The following CSMD1 variants were observed in gnomAD, a reference collection of about 807,000 sequenced individuals.
CSMD1 encodes CUB and Sushi multiple domains 1.
In CSMD1, 213 loss-of-function variants were observed where a neutral mutation model predicts 417.5. The ratio of observed to expected loss-of-function variants is 0.51; its 90% CI spans 0.46 to 0.57. The LOEUF (loss-of-function observed/expected upper bound fraction) is 0.57, where lower values mean the gene tolerates loss of function less well. Ranked by LOEUF, CSMD1 falls within the 20% of genes least tolerant of loss-of-function variation. CSMD1 has a pLI of 0.00. For missense variants in CSMD1, 6,923 were observed against 4,529.7 expected, an observed-to-expected ratio of 1.53 and a Z score of -15.17; for synonymous variants, 2,862 against 1,736.8, an observed-to-expected ratio of 1.65 and a Z score of -16.11.
At chr8:3,859,821 C>T (rs188325254) in intron 5 of CSMD1, among the ~76,000 whole-genome samples, 1 of 152,154 alleles carries the variant, frequency 6.6e-6, no homozygotes, top group Admixed American at 6.5e-5. Context: ...AGGGAACAGG[C>T]AGGAGAAGCT....
chr8:4,041,973 A>G (rs1394556545), intron 3 of CSMD1, among the ~76,000 whole-genome samples: 1 of 152,190 alleles, frequency 6.6e-6, no homozygotes. Flanking sequence ...ATAAAAGAAA[A>G]AAGAAAGATT....
At chr8:3,470,584 C>A (rs1817029453) in intron 11 of CSMD1, among the ~76,000 whole-genome samples, 1 of 152,100 alleles carries the variant, frequency 6.6e-6, no homozygotes, top group Non-Finnish European at 1.5e-5. Context: ...CATGTCTCGG[C>A]TCCTGAATCC....
At chr8:4,357,141 G>T (rs557945077) in intron 3 of CSMD1, among the ~76,000 whole-genome samples, 303 of 152,246 alleles carry the variant, frequency 2.0e-3, no homozygotes, top group Non-Finnish European at 3.3e-3. Context: ...ATTCACTTTG[G>T]TATATGATCT....
At chr8:4,925,323 T>C (rs1240694255) in intron 1 of CSMD1, among the ~76,000 whole-genome samples, 3 of 146,612 alleles carry the variant, frequency 2.0e-5, no homozygotes, top group African/African-American at 5.0e-5. Flanking sequence ...TAGGTGGTCT[T>C]TGACGGGGTC....
At chr8:4,777,398 C>G (rs1242231126) in intron 1 of CSMD1, among the ~76,000 whole-genome samples, 1 of 152,088 alleles carries the variant, frequency 6.6e-6, no homozygotes, top group Admixed American at 6.6e-5. Context: ...AGAGAGATGT[C>G]TCAGGGGGAC....
intron 1 of CSMD1, among the ~76,000 whole-genome samples, chr8:4,893,332 T>C (rs965187929): frequency 2.0e-5 from 3 of 152,110 alleles, no homozygotes; most frequent in African/African-American, 7.2e-5. Flanking sequence ...TATTTTATGT[T>C]GTTTAGTATT....
intron 3 of CSMD1, among the ~76,000 whole-genome samples, chr8:4,036,616 G>A (rs997915966): frequency 6.6e-6 from 1 of 152,202 alleles, no homozygotes. Flanking sequence ...GCAGATGTTA[G>A]AAGCAGCGGA....
At chr8:3,094,063 C>G (rs1351348082) in intron 47 of CSMD1, among the ~76,000 whole-genome samples, 1 of 151,442 alleles carries the variant, frequency 6.6e-6, no homozygotes, top group Non-Finnish European at 1.5e-5. Context: ...AATGACAGAA[C>G]TCAAGAGTAG....
chr8:4,855,748 G>T (rs1272939709), intron 1 of CSMD1, among the ~76,000 whole-genome samples: 1 of 151,976 alleles, frequency 6.6e-6, no homozygotes, highest in Non-Finnish European at 1.5e-5. Context: ...AAGCCTCCAA[G>T]AAATAAGGGA....
At chr8:3,461,764 G>C (rs1816520250) in intron 12 of CSMD1, among the ~76,000 whole-genome samples, 1 of 152,222 alleles carries the variant, frequency 6.6e-6, no homozygotes. Context: ...ATACAGATGA[G>C]TGGGACGATT....
Position 4,250,949 on chromosome 8 carries a change from G to A in CSMD1, c.415+169004C>T, listed in dbSNP as rs572453447. 5.7e-4 allele frequency among the ~76,000 whole-genome samples: 87 copies of A among 152,162 alleles called. 1 individual carries two copies. Among genetic ancestry groups the A allele is most frequent in the African/African-American group, 2.0e-3 (82 of 41,512 alleles). On this transcript the variant is annotated intron_variant, in intron 3 of 69. Coordinates refer to ENST00000635120, the MANE Select transcript of CSMD1 (RefSeq NM_033225.6). ...CTGAGCTCTTTTCTTCAGATGACACGTTTCCCTGAATGTTACTAGGTGAAT... is the reference window on the plus strand; with the variant it reads ...CTGAGCTCTTTTCTTCAGATGACACATTTCCCTGAATGTTACTAGGTGAAT...
intron 41 of CSMD1, among the ~76,000 whole-genome samples, chr8:3,141,965 T>C (rs905505235): frequency 2.0e-5 from 3 of 152,002 alleles, no homozygotes; most frequent in African/African-American, 7.2e-5. Flanking sequence ...GCCCAGCTAA[T>C]TTTTGGTATT....
intron 3 of CSMD1, among the ~76,000 whole-genome samples, chr8:4,276,709 C>G (rs764196676): frequency 6.6e-6 from 1 of 152,096 alleles, no homozygotes; most frequent in Non-Finnish European, 1.5e-5. Flanking sequence ...CCAGTGGGAT[C>G]CCAATTTTAA....
At chr8:3,682,085 A>G (rs1430991917) in intron 7 of CSMD1, among the ~76,000 whole-genome samples, 3 of 152,248 alleles carry the variant, frequency 2.0e-5, no homozygotes, top group East Asian at 3.9e-4. Context: ...AATCGTAAAA[A>G]CCCTAGAAGA....
At chr8:3,899,993 G>C (rs1368252421) in intron 5 of CSMD1, among the ~76,000 whole-genome samples, 1 of 152,250 alleles carries the variant, frequency 6.6e-6, no homozygotes, top group Non-Finnish European at 1.5e-5. Flanking sequence ...TGCAGCTACA[G>C]CTGGTTGACA....
At chr8:4,848,879 T>G (rs1770091918) in intron 1 of CSMD1, among the ~76,000 whole-genome samples, 1 of 152,200 alleles carries the variant, frequency 6.6e-6, no homozygotes, top group African/African-American at 2.4e-5. Flanking sequence ...AACAACTATG[T>G]TTCTGGTTTA....
intron 59 of CSMD1, among the ~76,000 whole-genome samples, chr8:2,963,991 G>A (rs1030691740): frequency 5.3e-5 from 8 of 152,132 alleles, no homozygotes; most frequent in Non-Finnish European, 1.0e-4. Context: ...GTGGTTGCTA[G>A]GGAGGATTTC....
chr8:3,805,714 C>A (rs1390924207), intron 5 of CSMD1, among the ~76,000 whole-genome samples: 2 of 152,066 alleles, frequency 1.3e-5, no homozygotes, highest in African/African-American at 4.8e-5. Context: ...TATCTTTCTT[C>A]TTTTTTTAAT....
At position 4,366,817 on chromosome 8, in the gene CSMD1, C is replaced by T. The variant is rs187646137; in HGVS notation, c.415+53136G>A. ...TGCTGTGCTGCACCCATTAACTCGT[C>T]ATTTGGTTTGCTGGCTGCTTGTTTA... is the stretch of plus-strand genomic sequence containing the variant. On this transcript the variant is annotated intron_variant, in intron 3 of 69. Transcript: ENST00000635120. Among the ~76,000 whole-genome samples, 1,441 of 152,170 alleles carry T rather than the reference C, an allele frequency of 9.5e-3. 10 individuals are homozygous for T. The highest frequency in any genetic ancestry group is 0.047 in the South Asian group (226 of 4,822).
Sources: gnomAD v4.1 joint callset for allele counts (sites outside exome capture counted in the v4.1 genomes callset) on GRCh38, gnomAD v4.1.1 for gene constraint, MANE v1.5 for transcripts, NCBI Gene and HGNC (gene_info 2026-07-23, HGNC 2026-07-21) for gene names.